Variants in ANTXR1 observed in about 807,000 individuals in gnomAD.
ANTXR1 encodes the protein ANTXR cell adhesion molecule 1, also known as anthrax toxin receptor 1.
A neutral mutation model predicts 78.1 loss-of-function variants in ANTXR1; 19 were observed. That is an observed-to-expected ratio of 0.24 (90% CI 0.17 to 0.36). The LOEUF (loss-of-function observed/expected upper bound fraction) is 0.36. Ranked by LOEUF, ANTXR1 falls within the 10% of genes least tolerant of loss-of-function variation. ANTXR1 has a pLI of 1.00. For synonymous variants in ANTXR1, 273 were observed against 260.5 expected (o/e 1.05, Z -0.46); for missense variants, 518 against 718.6 (o/e 0.72, Z 3.19).
At chr2:69,175,627 CA>C (rs1674100919) in intron 14 of ANTXR1, among the ~76,000 whole-genome samples, 1 of 151,842 alleles carries the variant, frequency 6.6e-6, no homozygotes, top group Non-Finnish European at 1.5e-5. Flanking sequence ...CCAACTCTTC[CA>C]AAAAAAGAAG....
chr2:69,078,456 G>C (rs753289457), intron 8 of ANTXR1, among the ~76,000 whole-genome samples: 10 of 152,182 alleles, frequency 6.6e-5, no homozygotes, highest in Non-Finnish European at 1.0e-4. Context: ...CAAGGGCTCA[G>C]CATCTGCCAG....
intron 3 of ANTXR1, among the ~76,000 whole-genome samples, chr2:69,055,826 C>G (rs1670051293): frequency 6.6e-6 from 1 of 152,134 alleles, no homozygotes; most frequent in Non-Finnish European, 1.5e-5. Context: ...AGTTTGGGCA[C>G]CACAGATGTA....
intron 3 of ANTXR1, among the ~76,000 whole-genome samples, chr2:69,057,375 G>A (rs942286054): frequency 2.0e-5 from 3 of 152,132 alleles, no homozygotes; most frequent in African/African-American, 7.2e-5. Context: ...CTGTTGGCAC[G>A]ATTTCTCCAA....
intron 14 of ANTXR1, among the ~76,000 whole-genome samples, chr2:69,175,695 G>A (rs576732341): frequency 1.3e-5 from 2 of 152,124 alleles, no homozygotes; most frequent in African/African-American, 2.4e-5. Flanking sequence ...GGGCGGGTGA[G>A]AGTGGGAAAG....
chr2:69,146,924 C>T (rs190314589), intron 12 of ANTXR1, among the ~76,000 whole-genome samples: 4 of 152,346 alleles, frequency 2.6e-5, no homozygotes, highest in East Asian at 1.9e-4. Context: ...ACACCAGTCC[C>T]GAGTTAGGCT....
chr2:69,042,190 G>C (rs944851370), intron 2 of ANTXR1, among the ~76,000 whole-genome samples: 10 of 152,064 alleles, frequency 6.6e-5, no homozygotes, highest in African/African-American at 2.4e-4. Flanking sequence ...GACATTTTGA[G>C]TCCTTTTATT....
chr2:69,111,643 T>G (rs533887146), intron 10 of ANTXR1, among the ~76,000 whole-genome samples: 3 of 152,356 alleles, frequency 2.0e-5, no homozygotes, highest in African/African-American at 7.2e-5. Flanking sequence ...TTTTGCACAC[T>G]CTCAAAGGAT....
rs79958708 is a variant in ANTXR1, at chr2:69,172,864, C to G, written c.1089+2575C>G. On this transcript the variant is annotated intron_variant, in intron 14 of 17. Transcript: ENST00000303714. ...TAGAAGCAAGGAAGCTCAGTTTTAA[C>G]AACTAAGAGGGACATTTCCTGGGTT... is the stretch of plus-strand genomic sequence containing the variant. Among the ~76,000 whole-genome samples the G allele has an allele frequency of 7.4e-3, 1,128 of 152,282 alleles. 7 individuals are homozygous for G. The highest frequency in any genetic ancestry group is 0.012 in the Non-Finnish European group (811 of 68,022).
intron 9 of ANTXR1, 40 bp from the exon 10 acceptor site, chr2:69,102,802 T>A: frequency 6.3e-7 from 1 of 1,575,184 alleles, no homozygotes; most frequent in Non-Finnish European, 8.7e-7. Flanking sequence ...CTTAAGGTTA[T>A]TGGCCAAGTA....
At chr2:69,105,574 C>T (rs928340480) in intron 10 of ANTXR1, among the ~76,000 whole-genome samples, 4 of 152,154 alleles carry the variant, frequency 2.6e-5, no homozygotes, top group Admixed American at 1.3e-4. Flanking sequence ...AAATGCAGCA[C>T]GTTTAGATCT....
At chr2:69,206,636 C>T (rs1674913102) in intron 17 of ANTXR1, among the ~76,000 whole-genome samples, 1 of 152,198 alleles carries the variant, frequency 6.6e-6, no homozygotes, top group Admixed American at 6.5e-5. Context: ...CCCACCACAT[C>T]TGTAGGCCTA....
intron 2 of ANTXR1, among the ~76,000 whole-genome samples, chr2:69,042,800 C>T (rs1189213063): frequency 6.6e-6 from 1 of 152,140 alleles, no homozygotes; most frequent in Non-Finnish European, 1.5e-5. Flanking sequence ...AGGAAAAATC[C>T]AGGAGCACTC....
chr2:69,189,133 CCTGGATTGTTTTCTATGCCACAGA>C (rs1206333975), intron 16 of ANTXR1, among the ~76,000 whole-genome samples: 1 of 152,162 alleles, frequency 6.6e-6, no homozygotes, highest in African/African-American at 2.4e-5. Context: ...GTATTGATTG[CCTGGATTGTTTTCTATGCCACAGA>C]CTGGAGAGTT....
intron 3 of ANTXR1, among the ~76,000 whole-genome samples, chr2:69,068,341 A>G (rs1048589748): frequency 3.3e-5 from 5 of 152,232 alleles, no homozygotes; most frequent in Non-Finnish European, 7.3e-5. Flanking sequence ...ATAAAGCAAA[A>G]TTGTGGGGTA....
chr2:69,222,840 A>G (rs769717392), intron 17 of ANTXR1, among the ~76,000 whole-genome samples: 3 of 152,238 alleles, frequency 2.0e-5, no homozygotes, highest in Non-Finnish European at 4.4e-5. Flanking sequence ...CCACTTTCGC[A>G]TGGCCCAGAA....
At chr2:69,140,788 A>G (rs1385294674) in intron 12 of ANTXR1, among the ~76,000 whole-genome samples, 1 of 152,232 alleles carries the variant, frequency 6.6e-6, no homozygotes, top group African/African-American at 2.4e-5. Flanking sequence ...TGTTCACTAC[A>G]TGAACAGCCT....
chr2:69,163,196 G>A (rs979896664), intron 13 of ANTXR1, among the ~76,000 whole-genome samples: 5 of 151,948 alleles, frequency 3.3e-5, no homozygotes, highest in East Asian at 3.9e-4. Flanking sequence ...ACATTCTTAG[G>A]GCAAAGTGTC....
intron 12 of ANTXR1, among the ~76,000 whole-genome samples, chr2:69,139,037 G>T (rs916595309): frequency 6.6e-6 from 1 of 152,190 alleles, no homozygotes; most frequent in Non-Finnish European, 1.5e-5. Context: ...GCCCCAGTTA[G>T]CTCCTACCTA....
chr2:69,188,318 A>G (rs1204896548), intron 16 of ANTXR1, among the ~76,000 whole-genome samples: 1 of 152,162 alleles, frequency 6.6e-6, no homozygotes, highest in African/African-American at 2.4e-5. Flanking sequence ...TGTGTTGTCC[A>G]AGCTGCTCTC....
Sources: allele counts gnomAD v4.1 joint callset (sites outside exome capture counted in the v4.1 genomes callset), GRCh38; gene constraint gnomAD v4.1.1; transcripts MANE v1.5; gene names NCBI Gene and HGNC (gene_info 2026-07-23, HGNC 2026-07-21).